Variants in TNFSF4 observed in about 807,000 individuals in gnomAD.
TNFSF4 encodes the protein tumor necrosis factor ligand superfamily member 4.
A neutral mutation model predicts 7.3 loss-of-function variants in TNFSF4; 4 were observed. That is an observed-to-expected ratio of 0.55 (90% CI 0.27 to 1.25). The LOEUF (loss-of-function observed/expected upper bound fraction) is 1.25. Among genes scored for constraint, TNFSF4 ranks in the 50% most tolerant of loss-of-function variants. The pLI, the probability that TNFSF4 is intolerant of heterozygous loss-of-function variation, is 0.12. For missense variants in TNFSF4, 181 were observed against 208.8 expected (o/e 0.87, Z 0.82); for synonymous variants, 76 against 83.7 (o/e 0.91, Z 0.50).
intron 1 of TNFSF4, among the ~76,000 whole-genome samples, chr1:173,189,082 A>G (rs1000335100): frequency 2.0e-5 from 3 of 152,036 alleles, no homozygotes; most frequent in African/African-American, 4.8e-5. Flanking sequence ...GCTTTTCCAT[A>G]ATATCTCTTA....
At chr1:173,213,510 A>G in the TNFSF4 span, among the ~76,000 whole-genome samples, 1 of 152,218 alleles carries the variant, frequency 6.6e-6, no homozygotes, top group African/African-American at 2.4e-5. Context: ...GTGTGCAACG[A>G]CAAGAACATG....
At chr1:173,382,093 T>G in the TNFSF4 span, among the ~76,000 whole-genome samples, 4 of 152,230 alleles carry the variant, frequency 2.6e-5, no homozygotes, top group African/African-American at 9.6e-5. Flanking sequence ...TCACAATAAA[T>G]CTTGCTGCTG....
At chr1:173,219,514 C>T in the TNFSF4 span, among the ~76,000 whole-genome samples, 7 of 152,248 alleles carry the variant, frequency 4.6e-5, no homozygotes, top group East Asian at 1.4e-3. Context: ...TTTGATCCAA[C>T]AATCTCACTA....
chr1:173,354,875 C>T, the TNFSF4 span, among the ~76,000 whole-genome samples: 607 of 152,298 alleles, frequency 4.0e-3, 11 homozygotes, highest in Admixed American at 0.022. Context: ...TCGATAAATA[C>T]TGATTCACTG....
the TNFSF4 span, among the ~76,000 whole-genome samples, chr1:173,313,294 G>C: frequency 6.6e-6 from 1 of 151,912 alleles, no homozygotes; most frequent in African/African-American, 2.4e-5. Flanking sequence ...TAGATACTTA[G>C]CATTTTAATA....
chr1:173,390,814 C>T, the TNFSF4 span, among the ~76,000 whole-genome samples: 1 of 137,574 alleles, frequency 7.3e-6, no homozygotes, highest in African/African-American at 2.8e-5. Context: ...GGCACAATAT[C>T]GGCTCACTAC....
At chr1:173,226,613 G>A in the TNFSF4 span, among the ~76,000 whole-genome samples, 5 of 152,256 alleles carry the variant, frequency 3.3e-5, no homozygotes, top group East Asian at 9.6e-4. Flanking sequence ...AATTAATACA[G>A]TTAGAGAGAC....
chr1:173,447,026 T>C, the TNFSF4 span, among the ~76,000 whole-genome samples: 1 of 152,338 alleles, frequency 6.6e-6, no homozygotes, highest in South Asian at 2.1e-4. Flanking sequence ...CACTGTGGTA[T>C]ATCCATACAA....
chr1:173,377,690 T>C, the TNFSF4 span, among the ~76,000 whole-genome samples: 3 of 152,174 alleles, frequency 2.0e-5, no homozygotes, highest in African/African-American at 4.8e-5. Context: ...AGGACTCTAT[T>C]CCCTTCTTTA....
the TNFSF4 span, among the ~76,000 whole-genome samples, chr1:173,214,036 G>C: frequency 6.6e-6 from 1 of 152,154 alleles, no homozygotes; most frequent in East Asian, 1.9e-4. Flanking sequence ...AATGTCAAGA[G>C]TGCTGAGGTG....
chr1:173,265,575 A>T, the TNFSF4 span, among the ~76,000 whole-genome samples: 1 of 152,096 alleles, frequency 6.6e-6, no homozygotes, highest in African/African-American at 2.4e-5. Context: ...TTTTAGAGAA[A>T]AGTTACTTTT....
At position 173,184,187 on chromosome 1, in the gene TNFSF4, A is replaced by G. The variant is rs1350712489; in HGVS notation, c.*2329T>C. ...AACAGAAAGAAAAGCAAGACCCAGA[A>G]ATGGGAAATGACTTTCCCAAGGTTA... On this transcript the variant is annotated 3_prime_UTR_variant, in exon 3 of 3. Transcript: ENST00000281834. The G allele has an allele frequency of 6.6e-6, 1 of 152,230 alleles. No homozygotes were observed. Among genetic ancestry groups the G allele is most frequent in the Non-Finnish European group, 1.5e-5 (1 of 68,036 alleles). The allele number at this position is 152,230 out of a possible 1,614,324, so 9.4% of individuals were successfully genotyped here.
the TNFSF4 span, among the ~76,000 whole-genome samples, chr1:173,221,754 A>G: frequency 3.6e-4 from 55 of 152,210 alleles, no homozygotes; most frequent in Non-Finnish European, 6.6e-4. Flanking sequence ...AAACTAAAGC[A>G]CAGAGAGGTT....
At chr1:173,442,524 G>A in the TNFSF4 span, among the ~76,000 whole-genome samples, 2 of 149,238 alleles carry the variant, frequency 1.3e-5, no homozygotes, top group East Asian at 2.0e-4. Flanking sequence ...TTTGGTTTTC[G>A]GTTTTTGGTT....
the TNFSF4 span, among the ~76,000 whole-genome samples, chr1:173,343,831 G>A: frequency 7.9e-5 from 12 of 152,196 alleles, no homozygotes; most frequent in East Asian, 2.3e-3. Flanking sequence ...AGATAAGATG[G>A]AATGAAATGG....
At chr1:173,399,958 G>A in the TNFSF4 span, among the ~76,000 whole-genome samples, 4 of 152,334 alleles carry the variant, frequency 2.6e-5, no homozygotes, top group East Asian at 5.8e-4. Flanking sequence ...GTAGCAGACT[G>A]ATTACACTGG....
At chr1:173,347,019 G>A in the TNFSF4 span, among the ~76,000 whole-genome samples, 1 of 152,150 alleles carries the variant, frequency 6.6e-6, no homozygotes, top group Non-Finnish European at 1.5e-5. Context: ...CCTGATAATT[G>A]GTGTAGCCAC....
chr1:173,193,215 A>G (rs914742231), intron 1 of TNFSF4, among the ~76,000 whole-genome samples: 1 of 152,174 alleles, frequency 6.6e-6, no homozygotes, highest in Non-Finnish European at 1.5e-5. Context: ...AAGAAAAGCA[A>G]AATCCCCAGA....
At chr1:173,342,451 C>A in the TNFSF4 span, among the ~76,000 whole-genome samples, 1 of 152,056 alleles carries the variant, frequency 6.6e-6, no homozygotes, top group African/African-American at 2.4e-5. Context: ...ATTATTTTCC[C>A]AACAGTGGAA....
Sources: allele counts gnomAD v4.1 joint callset (sites outside exome capture counted in the v4.1 genomes callset), GRCh38; gene constraint gnomAD v4.1.1; transcripts MANE v1.5; gene names NCBI Gene and HGNC (gene_info 2026-07-23, HGNC 2026-07-21).